CASR: variants seen among roughly 807,000 people sequenced by gnomAD.
CASR encodes the protein calcium sensing receptor.
A neutral mutation model predicts 69.1 loss-of-function variants in CASR; 23 were observed. The observed-to-expected ratio is 0.33, with a 90% CI of 0.24 to 0.47. CASR has a LOEUF of 0.47. CASR is among the 20% of genes least tolerant of loss of function. The pLI, the probability that CASR is intolerant of heterozygous loss-of-function variation, is 1.00. For synonymous variants in CASR, 541 were observed against 544.7 expected, an observed-to-expected ratio of 0.99 and a Z score of 0.10; for missense variants, 924 against 1,356.1, an observed-to-expected ratio of 0.68 and a Z score of 5.00.
intron 1 of CASR, among the ~76,000 whole-genome samples, chr3:122,188,612 T>C (rs1287972058): frequency 1.3e-5 from 2 of 152,130 alleles, no homozygotes; most frequent in Non-Finnish European, 2.9e-5. Flanking sequence ...TCTCTCTCTC[T>C]CTTTTTCTCT....
At position 122,284,611 on chromosome 3, in the gene CASR, G is replaced by C. The variant is rs1057520791; in HGVS notation, c.2657G>C (p.Arg886Pro). Residue 886 changes from arginine (R) to proline (P), a missense_variant, in exon 7 of 7, where the codon CGG (arginine) becomes CCG (proline). Arg to Pro is a moderately radical substitution (Grantham distance 103, BLOSUM62 -2). Around this residue, in one of 8 missense-constraint regions of CASR, gnomAD observed 42 missense variants for 73.2 expected, o/e 0.57. Transcript: ENST00000639785. ...TAAHAFKVAA[R>P]ATLRRSNVSR... ...GCTCACGCTTTCAAGGTGGCTGCCCGGGCCACGCTGCGCCGCAGCAACGTC... is the reference window on the plus strand; with the variant it reads ...GCTCACGCTTTCAAGGTGGCTGCCCCGGCCACGCTGCGCCGCAGCAACGTC... The C allele has an allele frequency of 6.2e-7, 1 of 1,614,100 alleles. No homozygotes were observed. Among genetic ancestry groups the C allele is most frequent in the Non-Finnish European group, 8.5e-7 (1 of 1,180,018 alleles).
chr3:122,197,551 T>A lies in CASR; in HGVS notation c.-243+13739T>A, dbSNP rs554885819. On this transcript the variant is annotated intron_variant, in intron 1 of 6. Transcript: ENST00000639785. The stretch of plus-strand genomic sequence containing the variant: ...AATAAGCATTTCTGTAGACACAACA[T>A]TCTGTCTCCTCAGTTTCTTTAATAA... Among the ~76,000 whole-genome samples the A allele has an allele frequency of 5.3e-5, 8 of 152,326 alleles. No individual in the cohort carries two copies. In the South Asian group the frequency reaches 1.7e-3, roughly 32 times the overall value.
Position 122,283,716 on chromosome 3 carries a change from G to C in CASR, c.1762G>C (p.Asp588His). The change falls in exon 7 of 7, where the codon GAC becomes CAC. Residue 588 changes from aspartate to histidine, a missense_variant. Coordinates refer to ENST00000639785, the MANE Select transcript of CASR (RefSeq NM_000388.4). ...DASACNKCPD[D>H]FWSNENHTSC... ...CAGTGCCTGTAACAAGTGCCCAGAT[G>C]ACTTCTGGTCCAATGAGAACCACAC... 6.2e-7 allele frequency: 1 copy of C among 1,614,150 alleles called. No individual in the cohort carries two copies. The highest frequency in any genetic ancestry group is 8.5e-7 in the Non-Finnish European group (1 of 1,180,034).
intron 1 of CASR, among the ~76,000 whole-genome samples, chr3:122,184,998 T>G (rs2073764196): frequency 6.6e-6 from 1 of 152,128 alleles, no homozygotes; most frequent in Non-Finnish European, 1.5e-5. Context: ...CTACCAGCTG[T>G]CTTGGGAACT....
chr3:122,259,891 GT>G (rs1462455721), intron 3 of CASR, among the ~76,000 whole-genome samples: 1 of 152,018 alleles, frequency 6.6e-6, no homozygotes, highest in Non-Finnish European at 1.5e-5. Context: ...AAAATTAATT[GT>G]TTTAAATGGT....
At chr3:122,257,446 G>T in intron 3 of CASR, 59 bp downstream of exon 3, 1 of 1,321,068 alleles carries the variant, frequency 7.6e-7, no homozygotes, top group South Asian at 1.2e-5. Flanking sequence ...CAGGCTTGGG[G>T]GTGCCATGCC....
intron 1 of CASR, among the ~76,000 whole-genome samples, chr3:122,222,952 C>A (rs1315503390): frequency 6.6e-6 from 1 of 152,054 alleles, no homozygotes; most frequent in Non-Finnish European, 1.5e-5. Flanking sequence ...AGTTTAACAA[C>A]CTGCTCCTGA....
intron 4 of CASR, among the ~76,000 whole-genome samples, chr3:122,262,708 G>C (rs937189727): frequency 1.3e-5 from 2 of 152,192 alleles, no homozygotes; most frequent in African/African-American, 4.8e-5. Context: ...ATTTAGTAAT[G>C]AGTGGGGTAT....
intron 1 of CASR, among the ~76,000 whole-genome samples, chr3:122,238,320 C>T (rs2074348636): frequency 6.6e-6 from 1 of 152,170 alleles, no homozygotes; most frequent in South Asian, 2.1e-4. Context: ...GAGAGAAAAG[C>T]TGTGCTGGGC....
intron 1 of CASR, among the ~76,000 whole-genome samples, chr3:122,207,925 G>A (rs187799065): frequency 6.6e-6 from 1 of 152,102 alleles, no homozygotes; most frequent in East Asian, 1.9e-4. Context: ...TGATTGGTCC[G>A]TTACTGAGAG....
chr3:122,209,668 C>T (rs1259714206), intron 1 of CASR, among the ~76,000 whole-genome samples: 1 of 152,102 alleles, frequency 6.6e-6, no homozygotes, highest in Non-Finnish European at 1.5e-5. Flanking sequence ...TATGGGAGTA[C>T]AATTCAAGAT....
At position 122,285,681 on chromosome 3, in the gene CASR, A is replaced by T. The variant is rs1023173231; in HGVS notation, c.*490A>T. On this transcript the variant is annotated 3_prime_UTR_variant, in exon 7 of 7. Transcript: ENST00000639785. ...GAATGTATCTCCTCCTATTTATGAAAACCATATGATATTTTGTCTCCTACC... is the reference window on the plus strand; with the variant it reads ...GAATGTATCTCCTCCTATTTATGAATACCATATGATATTTTGTCTCCTACC... 1 of 179,520 alleles carries T rather than the reference A, an allele frequency of 5.6e-6. No individual in the cohort carries two copies. The highest frequency in any genetic ancestry group is 2.4e-5 in the African/African-American group (1 of 42,054). 11.1% of individuals were successfully genotyped at this position (179,520 alleles called of 1,614,324 possible).
chr3:122,206,095 T>C (rs967271849), intron 1 of CASR, among the ~76,000 whole-genome samples: 1 of 152,092 alleles, frequency 6.6e-6, no homozygotes, highest in Admixed American at 6.5e-5. Context: ...AGCCAAGGAC[T>C]TCCAGTGCTG....
At chr3:122,244,813 T>TG (rs2074411378) in intron 1 of CASR, among the ~76,000 whole-genome samples, 2 of 152,090 alleles carry the variant, frequency 1.3e-5, no homozygotes, top group Admixed American at 6.5e-5. Flanking sequence ...AAATAGATAA[T>TG]AACAAATAGG....
chr3:122,192,737 T>C (rs2073851263), intron 1 of CASR, among the ~76,000 whole-genome samples: 1 of 152,208 alleles, frequency 6.6e-6, no homozygotes, highest in Admixed American at 6.5e-5. Context: ...AGATTACCAA[T>C]GTCTATCCCC....
chr3:122,218,379 A>G (rs990486310), intron 1 of CASR, among the ~76,000 whole-genome samples: 2 of 151,936 alleles, frequency 1.3e-5, no homozygotes, highest in African/African-American at 2.4e-5. Context: ...ACTAAAATAC[A>G]AAAAATTAGC....
chr3:122,272,687 C>A (rs1430598035), intron 4 of CASR, among the ~76,000 whole-genome samples: 1 of 152,206 alleles, frequency 6.6e-6, no homozygotes, highest in African/African-American at 2.4e-5. Flanking sequence ...ATGAAAACTC[C>A]ATGAGGATGG....
chr3:122,271,112 A>G (rs1368926752), intron 4 of CASR, among the ~76,000 whole-genome samples: 2 of 151,960 alleles, frequency 1.3e-5, no homozygotes, highest in East Asian at 3.8e-4. Context: ...TATTTTTCTC[A>G]TTTATCCTCA....
chr3:122,223,294 T>G (rs1050178823), intron 1 of CASR, among the ~76,000 whole-genome samples: 1 of 152,022 alleles, frequency 6.6e-6, no homozygotes, highest in African/African-American at 2.4e-5. Flanking sequence ...GTGAGATGGA[T>G]AGGCCACTAG....
Sources: allele counts gnomAD v4.1 joint callset (sites outside exome capture counted in the v4.1 genomes callset), GRCh38; gene constraint gnomAD v4.1.1; regional missense constraint gnomAD v4.1.1; transcripts MANE v1.5; gene names NCBI Gene and HGNC (gene_info 2026-07-23, HGNC 2026-07-21).